The following STK39 variants were observed in gnomAD, a reference collection of about 807,000 sequenced individuals.
The protein encoded by STK39 is STE20/SPS1-related proline-alanine-rich protein kinase.
STK39 carries 20 observed loss-of-function variants against 77.8 expected under a neutral mutation model. The observed-to-expected ratio is 0.26, with a 90% CI of 0.18 to 0.37. The LOEUF (loss-of-function observed/expected upper bound fraction) is 0.37. STK39 is among the 10% of genes least tolerant of loss of function. The pLI, the probability that STK39 is intolerant of heterozygous loss-of-function variation, is 1.00. For synonymous variants in STK39, 246 were observed against 234.1 expected, an observed-to-expected ratio of 1.05 and a Z score of -0.47; for missense variants, 479 against 656.5, an observed-to-expected ratio of 0.73 and a Z score of 2.95.
At chr2:168,010,456 A>G (rs959657955) in intron 16 of STK39, among the ~76,000 whole-genome samples, 1 of 152,264 alleles carries the variant, frequency 6.6e-6, no homozygotes, top group Admixed American at 6.5e-5. Flanking sequence ...CTTTTTTCTC[A>G]GCTTCCCTCT....
intron 12 of STK39, among the ~76,000 whole-genome samples, chr2:168,072,804 G>C (rs1369326406): frequency 6.6e-6 from 1 of 152,204 alleles, no homozygotes; most frequent in Non-Finnish European, 1.5e-5. Flanking sequence ...AAAGGACACA[G>C]GAAGCATCAC....
rs75342561 is a variant in STK39, at chr2:168,238,104, T to C, written c.208+9124A>G. Among the ~76,000 whole-genome samples the C allele has an allele frequency of 2.4e-3, 358 of 152,278 alleles. 2 individuals are homozygous for C. Among genetic ancestry groups the C allele is most frequent in the African/African-American group, 8.0e-3 (332 of 41,546 alleles). On this transcript the variant is annotated intron_variant, in intron 1 of 17. Coordinates refer to ENST00000355999, the MANE Select transcript of STK39 (RefSeq NM_013233.3). ...AATAAAGCAGTTGGAATACCCTTAG[T>C]ACAAACTCTGGTTCAAACTGATGCA...
At chr2:167,977,246 G>A (rs532325217) in intron 16 of STK39, among the ~76,000 whole-genome samples, 12 of 152,204 alleles carry the variant, frequency 7.9e-5, no homozygotes, top group Non-Finnish European at 1.6e-4. Context: ...ATGTGTTTAA[G>A]GTACAGTTTT....
At chr2:168,028,991 G>C (rs969308290) in intron 14 of STK39, among the ~76,000 whole-genome samples, 1 of 152,200 alleles carries the variant, frequency 6.6e-6, no homozygotes, top group Admixed American at 6.5e-5. Flanking sequence ...GCATTTTTAA[G>C]ACAATAGAAG....
At chr2:168,110,924 T>G (rs1404633523) in intron 10 of STK39, among the ~76,000 whole-genome samples, 1 of 152,190 alleles carries the variant, frequency 6.6e-6, no homozygotes, top group Non-Finnish European at 1.5e-5. Flanking sequence ...TTCTGTTATT[T>G]ATTAGGTTTT....
chr2:168,123,911 G>A (rs1395203956), intron 10 of STK39, among the ~76,000 whole-genome samples: 1 of 150,296 alleles, frequency 6.7e-6, no homozygotes, highest in Non-Finnish European at 1.5e-5. Context: ...AACAGGACAA[G>A]TTCTCAACAC....
intron 10 of STK39, among the ~76,000 whole-genome samples, chr2:168,126,780 A>G (rs1344826575): frequency 2.0e-5 from 3 of 152,208 alleles, no homozygotes; most frequent in East Asian, 3.8e-4. Context: ...TGAGGGGTGG[A>G]GTATAGCTGA....
intron 1 of STK39, among the ~76,000 whole-genome samples, chr2:168,231,601 A>G (rs905782828): frequency 1.3e-5 from 2 of 151,740 alleles, no homozygotes; most frequent in Non-Finnish European, 2.9e-5. Context: ...CTAAAATATT[A>G]TTTCTTTTTA....
intron 16 of STK39, 34 bp from the exon 17 acceptor site, chr2:167,964,760 G>A (rs1315212864): frequency 6.4e-7 from 1 of 1,559,098 alleles, no homozygotes. Context: ...AAAGTTTCCA[G>A]ATTATTTCCA....
intron 5 of STK39, among the ~76,000 whole-genome samples, chr2:168,159,974 C>T (rs144285495): frequency 3.2e-4 from 49 of 152,168 alleles, no homozygotes; most frequent in African/African-American, 9.4e-4. Context: ...ACAGACTCCT[C>T]GGCAGTGAGG....
intron 1 of STK39, among the ~76,000 whole-genome samples, chr2:168,240,716 A>C (rs1478704409): frequency 1.3e-5 from 2 of 152,246 alleles, no homozygotes; most frequent in African/African-American, 4.8e-5. Flanking sequence ...ATTCAAACGA[A>C]GACATTAAAA....
At chr2:168,152,709 G>C (rs965119663) in intron 5 of STK39, among the ~76,000 whole-genome samples, 4 of 152,202 alleles carry the variant, frequency 2.6e-5, no homozygotes, top group African/African-American at 9.6e-5. Flanking sequence ...GTTGCTGTAA[G>C]GAGAGCACCA....
intron 5 of STK39, among the ~76,000 whole-genome samples, chr2:168,145,692 T>C (rs181268179): frequency 7.2e-5 from 11 of 152,304 alleles, no homozygotes; most frequent in African/African-American, 2.4e-4. Flanking sequence ...CTTCAACATA[T>C]GCCATGTGAT....
Position 168,124,389 on chromosome 2 carries a change from G to T in STK39, c.1089+5152C>A, listed in dbSNP as rs1188740259. Among the ~76,000 whole-genome samples, 7 of 151,956 alleles carry T rather than the reference G, an allele frequency of 4.6e-5. No homozygotes were observed. The South Asian group carries it at 1.5e-3, about 32-fold the overall frequency. Reference sequence around the variant, plus strand: ...CCCCTTGCCCTCTGTCCTGCCATATGTGGGTTATATTTTTTATTTCTATTT... The same window carrying T: ...CCCCTTGCCCTCTGTCCTGCCATATTTGGGTTATATTTTTTATTTCTATTT... On this transcript the variant is annotated intron_variant, in intron 10 of 17. Coordinates refer to ENST00000355999, the MANE Select transcript of STK39 (RefSeq NM_013233.3).
chr2:167,970,453 C>T (rs1692302390), intron 16 of STK39, among the ~76,000 whole-genome samples: 1 of 152,074 alleles, frequency 6.6e-6, no homozygotes, highest in African/African-American at 2.4e-5. Context: ...TCCTCAAGGC[C>T]CTCTCCCCAG....
At chr2:168,009,023 G>C (rs932720283) in intron 16 of STK39, among the ~76,000 whole-genome samples, 1 of 152,100 alleles carries the variant, frequency 6.6e-6, no homozygotes, top group East Asian at 1.9e-4. Context: ...GTTTTCCCCA[G>C]GTACAGCTTT....
intron 10 of STK39, among the ~76,000 whole-genome samples, chr2:168,107,535 T>G (rs1328553791): frequency 1.3e-5 from 2 of 152,230 alleles, no homozygotes; most frequent in African/African-American, 4.8e-5. Flanking sequence ...CAAATATCTC[T>G]TATCAGGGAA....
intron 10 of STK39, among the ~76,000 whole-genome samples, chr2:168,076,237 C>T (rs561433988): frequency 6.6e-6 from 1 of 152,114 alleles, no homozygotes; most frequent in Non-Finnish European, 1.5e-5. Flanking sequence ...AGAACGTGAC[C>T]CAAGATCACA....
chr2:168,113,653 G>C (rs13007593), intron 10 of STK39, among the ~76,000 whole-genome samples: 57,645 of 152,068 alleles, frequency 0.38, 11,874 homozygotes, highest in South Asian at 0.53. Context: ...TCTCCAACAA[G>C]GAGACAAGAC....
Sources: gnomAD v4.1 joint callset for allele counts (sites outside exome capture counted in the v4.1 genomes callset) on GRCh38, gnomAD v4.1.1 for gene constraint, MANE v1.5 for transcripts, NCBI Gene and HGNC (gene_info 2026-07-23, HGNC 2026-07-21) for gene names.